The following TNS4 variants were observed in gnomAD, a reference collection of about 807,000 sequenced individuals.
TNS4 encodes the protein tensin-4.
TNS4 carries 46 observed loss-of-function variants against 70.4 expected under a neutral mutation model. The observed-to-expected ratio is 0.65, with a 90% confidence interval of 0.52 to 0.84. The LOEUF is 0.84. Ranked by LOEUF, TNS4 falls within the 40% of genes least tolerant of loss-of-function variation. The pLI, the probability that TNS4 is intolerant of heterozygous loss-of-function variation, is 0.00. For missense variants in TNS4, 863 were observed against 907.0 expected (o/e 0.95, Z 0.62); for synonymous variants, 390 against 366.6 (o/e 1.06, Z -0.73).
At position 40,482,285 on chromosome 17, in the gene TNS4, C is replaced by T. The variant is rs761099711; in HGVS notation, c.1594+39G>A. The T allele has an allele frequency of 5.6e-6, 9 of 1,613,494 alleles. No homozygotes were observed. In the South Asian group the frequency reaches 7.7e-5, roughly 14 times the overall value. On this transcript the variant is annotated intron_variant, in intron 7 of 12. Transcript: ENST00000254051. ...AGCTCACAACGGAGACTTCGCTGGCCCCCCATCCCGGGGGAGCCTGGAGGC... is the reference window on the plus strand; with the variant it reads ...AGCTCACAACGGAGACTTCGCTGGCTCCCCATCCCGGGGGAGCCTGGAGGC...
rs1253888568 is a variant in TNS4, at chr17:40,477,368, G to A, written c.*220C>T. 3 of 538,302 alleles carry A rather than the reference G, an allele frequency of 5.6e-6. No homozygotes were observed. In the African/African-American group the frequency reaches 5.7e-5, roughly 10 times the overall value. 33.3% of individuals were successfully genotyped at this position (538,302 alleles called of 1,614,324 possible). ...TAAGAACAGCTGATCTTGTCTATTG[G>A]TCTTCTTCTATGATTGAGGAAACTG... On this transcript the variant is annotated 3_prime_UTR_variant, in exon 13 of 13. Coordinates refer to ENST00000254051, the MANE Select transcript of TNS4 (RefSeq NM_032865.6).
chr17:40,500,870 G>A (rs1464989773), intron 1 of TNS4, among the ~76,000 whole-genome samples: 4 of 142,236 alleles, frequency 2.8e-5, no homozygotes, highest in South Asian at 2.6e-4. Flanking sequence ...AAGGCCAGCC[G>A]CCCCATCTCC....
At position 40,488,966 on chromosome 17, in the gene TNS4, A is replaced by T. The variant is rs768951694; in HGVS notation, c.443T>A (p.Ile148Lys). ...GGCGGAGGTCACCTCGATGTACTTT[A>T]TGTCTTTGGGGGAGAAAAGCAGAGC... ...RKKEESEALD[I>K]KYIEVTSARS... Residue 148 changes from isoleucine to lysine, a missense_variant, in exon 3 of 13, where the codon ATA becomes AAA. Coordinates refer to ENST00000254051, the MANE Select transcript of TNS4 (RefSeq NM_032865.6). 4 of 1,569,236 alleles carry T rather than the reference A, an allele frequency of 2.5e-6. No homozygotes were observed. The East Asian group carries it at 9.0e-5, about 35-fold the overall frequency.
At chr17:40,491,324 T>C (rs963619148) in intron 2 of TNS4, among the ~76,000 whole-genome samples, 1 of 136,202 alleles carries the variant, frequency 7.3e-6, no homozygotes, top group East Asian at 2.3e-4. Context: ...TACGAACACA[T>C]TGCTTGTATT....
intron 2 of TNS4, among the ~76,000 whole-genome samples, chr17:40,493,367 T>C (rs2036100151): frequency 6.6e-6 from 1 of 152,152 alleles, no homozygotes; most frequent in Admixed American, 6.5e-5. Flanking sequence ...TCTGAATACA[T>C]TTCGAGGTAA....
intron 10 of TNS4, among the ~76,000 whole-genome samples, chr17:40,479,422 C>T (rs1202657305): frequency 6.6e-6 from 1 of 152,232 alleles, no homozygotes; most frequent in African/African-American, 2.4e-5. Context: ...GCTGGGATTA[C>T]AGGCATGAGC....
At position 40,484,480 on chromosome 17, in the gene TNS4, A is replaced by G; in HGVS notation, c.1501+4T>C. On this transcript the variant is annotated splice_donor_region_variant and intron_variant, in intron 6 of 12. Coordinates refer to ENST00000254051, the MANE Select transcript of TNS4 (RefSeq NM_032865.6). Reference sequence around the variant, plus strand: ...CTTGAGTGAGCACAGAGACAGACGCATACCTGGTCGACTCTGAGCAGACGC... The same window carrying G: ...CTTGAGTGAGCACAGAGACAGACGCGTACCTGGTCGACTCTGAGCAGACGC... The G allele has an allele frequency of 6.2e-7, 1 of 1,609,632 alleles. No homozygotes were observed. The highest frequency in any genetic ancestry group is 2.2e-5 in the East Asian group (1 of 44,876).
chr17:40,491,236 G>A (rs1231302718), intron 2 of TNS4, among the ~76,000 whole-genome samples: 1 of 152,206 alleles, frequency 6.6e-6, no homozygotes, highest in Non-Finnish European at 1.5e-5. Context: ...GGAGAAGAGT[G>A]GGGATGGAGC....
chr17:40,498,112 C>A (rs970116862), intron 1 of TNS4, among the ~76,000 whole-genome samples: 1 of 152,158 alleles, frequency 6.6e-6, no homozygotes. Flanking sequence ...CCCACCAACA[C>A]CCCCCAACTC....
chr17:40,479,321 A>C (rs768945293), intron 10 of TNS4, among the ~76,000 whole-genome samples: 1 of 151,956 alleles, frequency 6.6e-6, no homozygotes, highest in Non-Finnish European at 1.5e-5. Context: ...CTAATTTTGT[A>C]TTTTTAGTAG....
chr17:40,496,206 C>A lies in TNS4; in HGVS notation c.220G>T (p.Ala74Ser). The A allele has an allele frequency of 6.2e-7, 1 of 1,603,708 alleles. No homozygotes were observed. Among genetic ancestry groups the A allele is most frequent in the South Asian group, 1.1e-5 (1 of 89,524 alleles). Reference sequence around the variant, plus strand: ...GACGGCAGGAAGCAGGTGGCTTTGGCCTCCACCTGTGGGGCTTGCTGGAGT... The same window carrying A: ...GACGGCAGGAAGCAGGTGGCTTTGGACTCCACCTGTGGGGCTTGCTGGAGT... ...GRLQQAPQVE[A>S]KATCFLPSPG... The change falls in exon 2 of 13, where the codon GCC becomes TCC. Residue 74 changes from alanine to serine, a missense_variant. Physicochemically the swap from Ala to Ser is moderately conservative, Grantham distance 99. Transcript: ENST00000254051.
chr17:40,499,093 GCAGA>G (rs1335380473), intron 1 of TNS4, among the ~76,000 whole-genome samples: 8 of 152,168 alleles, frequency 5.3e-5, no homozygotes, highest in Non-Finnish European at 1.0e-4. Flanking sequence ...AAATCCACAA[GCAGA>G]CAGCCCAGCG....
At chr17:40,483,261 C>T (rs968216763) in intron 6 of TNS4, among the ~76,000 whole-genome samples, 2 of 151,954 alleles carry the variant, frequency 1.3e-5, no homozygotes, top group Non-Finnish European at 2.9e-5. Flanking sequence ...GGAAGGAGTG[C>T]AGTGGTGTGA....
chr17:40,498,161 G>A (rs372780687), intron 1 of TNS4, among the ~76,000 whole-genome samples: 37 of 152,192 alleles, frequency 2.4e-4, no homozygotes, highest in African/African-American at 8.7e-4. Flanking sequence ...TTTACGTCCT[G>A]TTTTGGAGTC....
chr17:40,487,491 A>G (rs1372631494), intron 3 of TNS4, 31 bp from the exon 4 acceptor site: 1 of 1,571,454 alleles, frequency 6.4e-7, no homozygotes, highest in Non-Finnish European at 8.6e-7. Context: ...ACAGGGTGTT[A>G]GGGCAACAGG....
intron 4 of TNS4, among the ~76,000 whole-genome samples, 161 bp from the exon 5 acceptor site, chr17:40,485,168 G>C (rs1192540369): frequency 6.6e-6 from 1 of 152,162 alleles, no homozygotes. Flanking sequence ...AACTGCCTAC[G>C]ATGAGGGAAA....
intron 1 of TNS4, among the ~76,000 whole-genome samples, chr17:40,501,180 C>T (rs779397739): frequency 3.9e-5 from 6 of 152,196 alleles, no homozygotes; most frequent in Admixed American, 2.0e-4. Context: ...TGAGGCTGGG[C>T]TCACGCCTGT....
At position 40,488,654 on chromosome 17, in the gene TNS4, G is replaced by A. The variant is rs766716693; in HGVS notation, c.755C>T (p.Ala252Val). 3 of 1,554,700 alleles carry A rather than the reference G, an allele frequency of 1.9e-6. No individual in the cohort carries two copies. Among genetic ancestry groups the A allele is most frequent in the East Asian group, 2.3e-5 (1 of 44,210 alleles). Residue 252 changes from alanine (A) to valine (V), a missense_variant, in exon 3 of 13, where the codon GCT becomes GTT. By Grantham distance (64) the Ala-to-Val change is moderately conservative. Transcript: ENST00000254051. ...CAGCCGCTTCTCCAGTCTTGGAGAAGCCACCAGCGGGGAGCCCAAACCATG... is the reference window on the plus strand; with the variant it reads ...CAGCCGCTTCTCCAGTCTTGGAGAAACCACCAGCGGGGAGCCCAAACCATG... ...SPHGLGSPLV[A>V]SPRLEKRLGG...
Position 40,488,650 on chromosome 17 carries a change from A to G in TNS4, c.759T>C (p.Ser253=). Residue 253 remains serine (S), a synonymous_variant, in exon 3 of 13, where the codon TCT becomes TCC. Transcript: ENST00000254051. ...PHGLGSPLVA[S]PRLEKRLGGL... is the part of the protein sequence containing the mutation. ...CTCCCAGCCGCTTCTCCAGTCTTGGAGAAGCCACCAGCGGGGAGCCCAAAC... is the reference window on the plus strand; with the variant it reads ...CTCCCAGCCGCTTCTCCAGTCTTGGGGAAGCCACCAGCGGGGAGCCCAAAC... 1 of 1,552,178 alleles carries G rather than the reference A, an allele frequency of 6.4e-7. No homozygotes were observed.
Sources: gnomAD v4.1 joint callset for allele counts (sites outside exome capture counted in the v4.1 genomes callset) on GRCh38, gnomAD v4.1.1 for gene constraint, MANE v1.5 for transcripts, NCBI Gene and HGNC (gene_info 2026-07-23, HGNC 2026-07-21) for gene names.